The following PCDHA8 variants were observed in gnomAD, a reference collection of about 807,000 sequenced individuals.
The protein encoded by PCDHA8 is protocadherin alpha 8.
In PCDHA8, 53 loss-of-function variants were observed where a neutral mutation model predicts 61.8. The ratio of observed to expected loss-of-function variants is 0.86; its 90% CI spans 0.69 to 1.08. The LOEUF (loss-of-function observed/expected upper bound fraction) is 1.08, where lower values mean the gene tolerates loss of function less well. PCDHA8 is among the 50% of genes least tolerant of loss of function. PCDHA8 has a pLI of 0.00. For missense variants in PCDHA8, 1,293 were observed against 1,245.0 expected (o/e 1.04, Z -0.58); for synonymous variants, 618 against 556.6 (o/e 1.11, Z -1.55).
chr5:140,917,333 G>A (rs1301739777), intron 1 of PCDHA8, among the ~76,000 whole-genome samples: 2 of 148,632 alleles, frequency 1.3e-5, no homozygotes, highest in African/African-American at 4.9e-5. Flanking sequence ...GCGGGGGAGG[G>A]GGGGGATGGT....
intron 1 of PCDHA8, chr5:140,876,792 A>T: frequency 6.2e-7 from 1 of 1,614,116 alleles, no homozygotes; most frequent in Non-Finnish European, 8.5e-7. Context: ...CCACGGCTAG[A>T]GTGTCCGTGG....
chr5:140,884,174 C>T (rs540874524), intron 1 of PCDHA8: 6 of 1,613,436 alleles, frequency 3.7e-6, no homozygotes, highest in Middle Eastern at 1.7e-4. Flanking sequence ...CACGACGCGC[C>T]CTCTGGACGA....
At chr5:140,937,770 G>C (rs1353635012) in intron 1 of PCDHA8, among the ~76,000 whole-genome samples, 3 of 151,876 alleles carry the variant, frequency 2.0e-5, no homozygotes, top group Non-Finnish European at 4.4e-5. Flanking sequence ...AAATTAGTCG[G>C]GCGTGGTGGC....
intron 1 of PCDHA8, among the ~76,000 whole-genome samples, chr5:140,948,600 A>G (rs1369107358): frequency 6.6e-6 from 1 of 151,576 alleles, no homozygotes; most frequent in African/African-American, 2.4e-5. Flanking sequence ...TCAATTTATC[A>G]TATTTTTGGC....
chr5:140,842,688 C>T lies in PCDHA8; in HGVS notation c.1367C>T (p.Ala456Val), dbSNP rs2150342065. 3 of 1,595,284 alleles carry T rather than the reference C, an allele frequency of 1.9e-6. No homozygotes were observed. The highest frequency in any genetic ancestry group is 1.7e-6 in the Non-Finnish European group (2 of 1,165,514). Residue 456 changes from alanine to valine, a missense_variant, in exon 1 of 4, where the codon GCG (alanine) becomes GTG (valine). Transcript: ENST00000531613. ...ADVNDNAPAF[A>V]QPEYTVFVKE... ...GTGAACGACAATGCTCCGGCGTTCG[C>T]GCAGCCCGAGTACACGGTGTTCGTG...
At chr5:140,985,104 AT>A (rs2097137151) in intron 3 of PCDHA8, among the ~76,000 whole-genome samples, 1 of 151,914 alleles carries the variant, frequency 6.6e-6, no homozygotes, top group African/African-American at 2.4e-5. Context: ...AGCCTGGCTA[AT>A]TTTTTGTGTT....
chr5:140,924,472 GT>G (rs1436957745), intron 1 of PCDHA8, among the ~76,000 whole-genome samples: 2 of 152,188 alleles, frequency 1.3e-5, no homozygotes, highest in African/African-American at 4.8e-5. Context: ...GAGGTAACTG[GT>G]TTTTAGTGGA....
intron 1 of PCDHA8, among the ~76,000 whole-genome samples, chr5:140,915,626 G>C (rs928151112): frequency 6.1e-5 from 9 of 146,436 alleles, no homozygotes; most frequent in East Asian, 4.1e-4. Flanking sequence ...GTCTCTTTCT[G>C]TCTCTCTCTC....
chr5:141,004,627 T>C lies in PCDHA8; in HGVS notation c.2543-5000T>C, dbSNP rs538896289. On this transcript the variant is annotated intron_variant, in intron 3 of 3. Transcript: ENST00000531613. ...GCCTCATGCAGAGTCCTGGTTATGG[T>C]TGAAGAAAAATTTCCATTTTGGGCT... 3.9e-5 allele frequency among the ~76,000 whole-genome samples: 6 copies of C among 152,330 alleles called. No individual in the cohort carries two copies. The East Asian group carries it at 1.2e-3, about 29-fold the overall frequency.
At chr5:140,880,748 G>T (rs950550579) in intron 1 of PCDHA8, among the ~76,000 whole-genome samples, 10 of 152,220 alleles carry the variant, frequency 6.6e-5, no homozygotes, top group Non-Finnish European at 1.2e-4. Flanking sequence ...GATTGTCAGT[G>T]TAACTGCGTG....
At chr5:140,867,614 T>C (rs1157399169) in intron 1 of PCDHA8, 3 of 152,134 alleles carry the variant, frequency 2.0e-5, no homozygotes, top group Non-Finnish European at 2.9e-5. Context: ...ATCAAAACTA[T>C]AGAACAAAAT....
Position 140,870,808 on chromosome 5 carries a change from G to A in PCDHA8, c.2394+27093G>A, listed in dbSNP as rs368477795. 1.9e-5 allele frequency: 30 copies of A among 1,613,692 alleles called. No individual in the cohort carries two copies. The highest frequency in any genetic ancestry group is 3.3e-5 in the South Asian group (3 of 91,076). On this transcript the variant is annotated intron_variant, in intron 1 of 3. Coordinates refer to ENST00000531613, the MANE Select transcript of PCDHA8 (RefSeq NM_018911.3). ...CGCGCCGGCACTGCTGGCGACTCAGGCTGGCAGCGCGGGAGGCGCAGTTAA... is the reference window on the plus strand; with the variant it reads ...CGCGCCGGCACTGCTGGCGACTCAGACTGGCAGCGCGGGAGGCGCAGTTAA...
At chr5:140,906,487 CA>C (rs1346198597) in intron 1 of PCDHA8, among the ~76,000 whole-genome samples, 1 of 152,180 alleles carries the variant, frequency 6.6e-6, no homozygotes, top group Non-Finnish European at 1.5e-5. Context: ...TATAAATGCA[CA>C]AACATGTTTT....
At chr5:140,922,802 GA>G (rs1475670811) in intron 1 of PCDHA8, among the ~76,000 whole-genome samples, 1 of 152,162 alleles carries the variant, frequency 6.6e-6, no homozygotes, top group African/African-American at 2.4e-5. Flanking sequence ...TTGGAATACA[GA>G]AAAAGGAGAT....
chr5:140,927,670 C>A lies in PCDHA8; in HGVS notation c.2395-51279C>A, dbSNP rs1006141153. ...GTTATTCCGAGTTCAAGCCTTGGATCCAGATGAAGGGTCCAATGGGGAAGT... is the reference window on the plus strand; with the variant it reads ...GTTATTCCGAGTTCAAGCCTTGGATACAGATGAAGGGTCCAATGGGGAAGT... On this transcript the variant is annotated intron_variant, in intron 1 of 3. Transcript: ENST00000531613. 2.5e-6 allele frequency: 4 copies of A among 1,614,166 alleles called. No homozygotes were observed. The highest frequency in any genetic ancestry group is 3.4e-6 in the Non-Finnish European group (4 of 1,180,028).
At chr5:140,906,821 G>A (rs1354317622) in intron 1 of PCDHA8, among the ~76,000 whole-genome samples, 7 of 152,220 alleles carry the variant, frequency 4.6e-5, no homozygotes, top group Non-Finnish European at 7.3e-5. Flanking sequence ...CCACTGTGGA[G>A]TAGTAGACTG....
intron 1 of PCDHA8, among the ~76,000 whole-genome samples, chr5:140,889,020 TG>T (rs1554183734): frequency 1.3e-5 from 2 of 152,126 alleles, no homozygotes; most frequent in Non-Finnish European, 2.9e-5. Context: ...TCTACTTCCT[TG>T]GATAACCGTA....
At chr5:140,967,092 C>A (rs782344374) in intron 1 of PCDHA8, 4 of 1,613,156 alleles carry the variant, frequency 2.5e-6, no homozygotes, top group Non-Finnish European at 2.5e-6. Context: ...GATCGGGAGG[C>A]GCTGTGTGAG....
rs1554146062 is a variant in PCDHA8, at chr5:140,852,704, C to G, written c.2394+8989C>G. The G allele has an allele frequency of 8.2e-6, 8 of 978,408 alleles. 1 individual carries two copies. The highest frequency in any genetic ancestry group is 7.4e-6 in the Non-Finnish European group (6 of 811,580). The allele number at this position is 978,408 out of a possible 1,614,324, so 60.6% of individuals were successfully genotyped here. ...AATATAGTCTTATACTTTCAAGTAT[C>G]TTTGTCTTTGCACGTTTTTCAAGTT... On this transcript the variant is annotated intron_variant, in intron 1 of 3. Transcript: ENST00000531613.
Sources: allele counts gnomAD v4.1 joint callset (sites outside exome capture counted in the v4.1 genomes callset), GRCh38; gene constraint gnomAD v4.1.1; transcripts MANE v1.5; gene names NCBI Gene and HGNC (gene_info 2026-07-23, HGNC 2026-07-21).